The following NUF2 variants were observed in gnomAD, a reference collection of about 807,000 sequenced individuals.
The protein encoded by NUF2 is kinetochore protein Nuf2.
Under a neutral mutation model 61.8 loss-of-function variants are expected in NUF2, and 34 were observed. The ratio of observed to expected loss-of-function variants is 0.55; its 90% CI spans 0.42 to 0.73. NUF2 has a LOEUF of 0.73. Ranked by LOEUF, NUF2 falls within the 30% of genes least tolerant of loss-of-function variation. The pLI is 0.00. For missense variants in NUF2, 445 were observed against 539.1 expected (o/e 0.83, Z 1.73); for synonymous variants, 172 against 181.6 (o/e 0.95, Z 0.42).
At chr1:163,350,087 G>C (rs1651262016) in intron 13 of NUF2, among the ~76,000 whole-genome samples, 1 of 151,836 alleles carries the variant, frequency 6.6e-6, no homozygotes, top group African/African-American at 2.4e-5. Context: ...GGATCACGAG[G>C]TCAGGAGATC....
At chr1:163,346,088 CCTT>C (rs1279535983) in intron 11 of NUF2, 1 of 213,058 alleles carries the variant, frequency 4.7e-6, no homozygotes, top group Admixed American at 5.3e-5. Flanking sequence ...AGTAGCTCCC[CCTT>C]ATCCTTAGGA....
chr1:163,330,870 A>G (rs529355351), intron 5 of NUF2, among the ~76,000 whole-genome samples: 4 of 152,056 alleles, frequency 2.6e-5, no homozygotes, highest in Admixed American at 1.3e-4. Context: ...GTTAGTGTAG[A>G]CAAGTACAAT....
intron 9 of NUF2, among the ~76,000 whole-genome samples, chr1:163,341,280 G>C (rs375614218): frequency 5.3e-5 from 8 of 152,020 alleles, no homozygotes; most frequent in Non-Finnish European, 1.2e-4. Flanking sequence ...CGCGATCTTG[G>C]CTCACTGCAA....
chr1:163,323,401 G>A (rs1003446204), intron 1 of NUF2, among the ~76,000 whole-genome samples: 8 of 152,156 alleles, frequency 5.3e-5, no homozygotes, highest in African/African-American at 1.9e-4. Flanking sequence ...AATATGTGAT[G>A]CATCAGAATC....
rs1651181018 is a variant in NUF2 at position 163,347,781 on chromosome 1, C to A, written c.967C>A (p.Gln323Lys). The A allele has an allele frequency of 2.5e-6, 4 of 1,576,998 alleles. No individual in the cohort carries two copies. The highest frequency in any genetic ancestry group is 2.6e-6 in the Non-Finnish European group (3 of 1,165,026). The stretch of plus-strand genomic sequence containing the variant: ...AATACAGAGCCTGAACTTGGAGGAC[C>A]AAATTGAGAGTGATGAGTCAGAACT... ...ILKESLNLED[Q>K]IESDESELKK... The change falls in exon 12 of 14, where the codon CAA becomes AAA. Residue 323 changes from glutamine to lysine, a missense_variant. By Grantham distance (53) the Gln-to-Lys change is moderately conservative. Coordinates refer to ENST00000271452, the MANE Select transcript of NUF2 (RefSeq NM_145697.3).
chr1:163,339,172 A>G, intron 7 of NUF2: 3 of 505,946 alleles, frequency 5.9e-6, no homozygotes, highest in Non-Finnish European at 7.0e-6. Flanking sequence ...TAGATTTGAT[A>G]GTAGAAAACT....
intron 1 of NUF2, among the ~76,000 whole-genome samples, chr1:163,323,922 G>A (rs1366742270): frequency 6.6e-6 from 1 of 152,144 alleles, no homozygotes; most frequent in East Asian, 1.9e-4. Flanking sequence ...CCGCCTTGAT[G>A]CAAGACGGTC....
chr1:163,334,986 G>A (rs905333964), intron 5 of NUF2, among the ~76,000 whole-genome samples: 5 of 151,812 alleles, frequency 3.3e-5, no homozygotes, highest in South Asian at 4.2e-4. Flanking sequence ...ATGGAGTCTC[G>A]CTCTGTCACC....
At chr1:163,336,869 G>A in intron 6 of NUF2, 21 bp downstream of exon 6, 1 of 1,409,090 alleles carries the variant, frequency 7.1e-7, no homozygotes, top group Non-Finnish European at 1.0e-6. Context: ...AATATGTTTT[G>A]GGGTTACATG....
intron 1 of NUF2, among the ~76,000 whole-genome samples, chr1:163,323,695 T>G (rs1417364830): frequency 6.6e-6 from 1 of 151,982 alleles, no homozygotes; most frequent in Non-Finnish European, 1.5e-5. Flanking sequence ...CACTCCAGCC[T>G]GGATGACAAA....
intron 1 of NUF2, among the ~76,000 whole-genome samples, chr1:163,323,833 C>CAACAAGA (rs1400066365): frequency 6.6e-6 from 1 of 151,608 alleles, no homozygotes; most frequent in East Asian, 1.9e-4. Context: ...TCAATTTATA[C>CAACAAGA]AACAAGAACA....
Position 163,338,017 on chromosome 1 carries a change from TA to T in NUF2, c.436-2del. Reference sequence around the variant, plus strand: ...TATGAGATGATTAAAATTGCTTTAATAGAAATCCTCTGCGGACAAAATGCAA... The same window carrying T: ...TATGAGATGATTAAAATTGCTTTAATGAAATCCTCTGCGGACAAAATGCAA... On this transcript the variant is annotated splice_acceptor_variant, in intron 6 of 13. Coordinates refer to ENST00000271452, the MANE Select transcript of NUF2 (RefSeq NM_145697.3). LOFTEE classifies it high-confidence loss of function. 6.2e-7 allele frequency: 1 copy of T among 1,612,182 alleles called. No homozygotes were observed. Among genetic ancestry groups the T allele is most frequent in the South Asian group, 1.1e-5 (1 of 90,996 alleles).
At chr1:163,342,693 G>C (rs547378869) in intron 9 of NUF2, among the ~76,000 whole-genome samples, 1 of 152,142 alleles carries the variant, frequency 6.6e-6, no homozygotes, top group South Asian at 2.1e-4. Context: ...TATATAGAGA[G>C]AGGGGAGTAT....
chr1:163,330,408 G>T (rs987685990), intron 5 of NUF2, among the ~76,000 whole-genome samples: 1 of 152,052 alleles, frequency 6.6e-6, no homozygotes, highest in Admixed American at 6.6e-5. Context: ...TTTTGAGCTC[G>T]CTATTCTACT....
intron 11 of NUF2, 130 bp downstream of exon 11, chr1:163,345,948 G>A: frequency 1.8e-6 from 1 of 564,468 alleles, no homozygotes; most frequent in Non-Finnish European, 3.0e-6. Flanking sequence ...AATAGATGTG[G>A]CAATGTATGC....
chr1:163,355,473 A>G lies in NUF2; in HGVS notation c.*4A>G, dbSNP rs536905245. 2 of 1,581,992 alleles carry G rather than the reference A, an allele frequency of 1.3e-6. No individual in the cohort carries two copies. The highest frequency in any genetic ancestry group is 2.7e-5 in the African/African-American group (2 of 73,412). On this transcript the variant is annotated 3_prime_UTR_variant, in exon 14 of 14. Transcript: ENST00000271452. The stretch of plus-strand genomic sequence containing the variant: ...GATGTTCAAAATGTCAACCTGATTA[A>G]CAAAATTACATGTCTTTTTGTAAAT...
chr1:163,353,645 T>C (rs1651399196), intron 13 of NUF2, among the ~76,000 whole-genome samples: 1 of 152,218 alleles, frequency 6.6e-6, no homozygotes, highest in African/African-American at 2.4e-5. Flanking sequence ...AAACTTATTA[T>C]ATGTGAATTA....
chr1:163,338,055 C>T lies in NUF2; in HGVS notation c.471C>T (p.Ala157=), dbSNP rs34426463. The part of the protein sequence containing the change: ...SSADKMQQLN[A]AHQEALMKLE... The stretch of plus-strand genomic sequence containing the variant: ...CGGACAAAATGCAACAGTTAAACGC[C>T]GCACACCAGGAGGCATTAATGAAAC... The change falls in exon 7 of 14, where the codon GCC becomes GCT. Residue 157 remains alanine, a synonymous_variant. Transcript: ENST00000271452. 5.0e-4 allele frequency: 799 copies of T among 1,612,828 alleles called. 1 individual carries two copies. In the African/African-American group the frequency reaches 8.9e-3, roughly 18 times the overall value.
At position 163,328,890 on chromosome 1, in the gene NUF2, C is replaced by A. The variant is rs1375754308; in HGVS notation, c.320C>A (p.Ala107Asp). 1 of 1,600,450 alleles carries A rather than the reference C, an allele frequency of 6.2e-7. No individual in the cohort carries two copies. Among genetic ancestry groups the A allele is most frequent in the Non-Finnish European group, 8.6e-7 (1 of 1,169,416 alleles). The change falls in exon 5 of 14, where the codon GCT becomes GAT. Residue 107 changes from alanine (A) to aspartate (D), a missense_variant. Physicochemically the swap from Ala to Asp is moderately radical, Grantham distance 126. Transcript: ENST00000271452. ...PICRVNDFET[A>D]DILCPKAKRT... ...TGCCGGGTGAATGACTTTGAGACTG[C>A]TGATATTCTATGTCCAAGTAAGTGA...
Sources: allele counts gnomAD v4.1 joint callset (sites outside exome capture counted in the v4.1 genomes callset), GRCh38; gene constraint gnomAD v4.1.1; transcripts MANE v1.5; gene names NCBI Gene and HGNC (gene_info 2026-07-23, HGNC 2026-07-21).